Variants in UBE2J2 observed in about 807,000 individuals in gnomAD.
UBE2J2 encodes the protein ubiquitin conjugating enzyme E2 J2, also known as ubiquitin-conjugating enzyme E2 J2.
Under a neutral mutation model 28.6 loss-of-function variants are expected in UBE2J2, and 5 were observed. That is an observed-to-expected ratio of 0.17 (90% CI 0.09 to 0.37). The LOEUF is 0.37. UBE2J2 is among the 10% of genes least tolerant of loss of function. The pLI is 1.00. For synonymous variants in UBE2J2, 138 were observed against 139.7 expected, an observed-to-expected ratio of 0.99 and a Z score of 0.09; for missense variants, 226 against 338.9, an observed-to-expected ratio of 0.67 and a Z score of 2.62.
intron 3 of UBE2J2, chr1:1,262,980 A>T (rs1300207471): frequency 4.7e-6 from 1 of 211,300 alleles, no homozygotes; most frequent in African/African-American, 2.3e-5. Flanking sequence ...CCAGCACAGA[A>T]GGCACACTGA....
intron 3 of UBE2J2, 96 bp from the exon 4 acceptor site, chr1:1,257,406 C>CCCCCCA (rs1553154847): frequency 5.4e-6 from 3 of 558,754 alleles, no homozygotes; most frequent in Admixed American, 5.2e-5. Flanking sequence ...CCCCCCCCCC[C>CCCCCCA]CCTCAGCTCG....
intron 1 of UBE2J2, among the ~76,000 whole-genome samples, chr1:1,271,999 A>AATAAAAAAT (rs1557570852): frequency 6.8e-6 from 1 of 146,816 alleles, no homozygotes; most frequent in African/African-American, 2.7e-5. Context: ...AAAAAAAAAA[A>AATAAAAAAT]AAAAATTAGC....
chr1:1,255,534 T>C (rs780555590), intron 6 of UBE2J2, 47 bp from the exon 7 acceptor site: 69 of 1,438,656 alleles, frequency 4.8e-5, no homozygotes, highest in Non-Finnish European at 6.0e-5. Flanking sequence ...AACCAGCGCC[T>C]TTCAGGACCA....
chr1:1,262,165 C>T, intron 3 of UBE2J2: 1 of 344,610 alleles, frequency 2.9e-6, no homozygotes, highest in Non-Finnish European at 5.8e-6. Flanking sequence ...CCGACCACTA[C>T]TCACTCGGTG....
chr1:1,260,809 T>C (rs1639512127), intron 3 of UBE2J2, among the ~76,000 whole-genome samples: 1 of 152,204 alleles, frequency 6.6e-6, no homozygotes, highest in African/African-American at 2.4e-5. Context: ...AGAAAAATGG[T>C]TTTAACTGTT....
At chr1:1,270,504 C>A (rs527946915) in intron 1 of UBE2J2, among the ~76,000 whole-genome samples, 1 of 152,302 alleles carries the variant, frequency 6.6e-6, no homozygotes, top group Non-Finnish European at 1.5e-5. Flanking sequence ...CCACCCCCAA[C>A]CCTGCTTCTT....
In UBE2J2 at chr1:1,254,036, G is replaced by A. The variant is rs1260092708; in HGVS notation, c.*1167C>T. On this transcript the variant is annotated 3_prime_UTR_variant, in exon 7 of 7. Coordinates refer to ENST00000349431, the MANE Select transcript of UBE2J2 (RefSeq NM_058167.3). ...AAAAAACGAAGAAAGATGAGCGCGT[G>A]CGGGCTGGGCTTGTCTCACGCCCGC... 5.3e-5 allele frequency: 8 copies of A among 152,236 alleles called. 1 individual carries two copies. The highest frequency in any genetic ancestry group is 2.6e-4 in the Admixed American group (4 of 15,286). 9.4% of individuals were successfully genotyped at this position (152,236 alleles called of 1,614,324 possible). A position where few individuals can be genotyped will look rare whatever the true frequency, so the allele number is the denominator to read the frequency against.
intron 3 of UBE2J2, among the ~76,000 whole-genome samples, chr1:1,258,989 G>A (rs1195032661): frequency 6.6e-6 from 1 of 152,176 alleles, no homozygotes; most frequent in Non-Finnish European, 1.5e-5. Flanking sequence ...ATGCGTTGAC[G>A]TGTGTGTGCA....
Position 1,262,995 on chromosome 1 carries a change from CTG to C in UBE2J2, c.172+349_172+350del, listed in dbSNP as rs1431463017. ...CCAGCACAGAAGGCACACTGAATAA[CTG>C]AATATATGTGCCTTTCCTTTGATGA... On this transcript the variant is annotated intron_variant, in intron 3 of 6. Coordinates refer to ENST00000349431, the MANE Select transcript of UBE2J2 (RefSeq NM_058167.3). 7.9e-5 allele frequency: 18 copies of C among 229,046 alleles called. No homozygotes were observed. In the East Asian group the frequency reaches 1.6e-3, roughly 21 times the overall value. The allele number at this position is 229,046 out of a possible 1,614,324, so 14.2% of individuals were successfully genotyped here.
At position 1,257,282 on chromosome 1, in the gene UBE2J2, A is replaced by G. The variant is rs1321486955; in HGVS notation, c.201T>C (p.Phe67=). 4 of 1,612,758 alleles carry G rather than the reference A, an allele frequency of 2.5e-6. No individual in the cohort carries two copies. The highest frequency in any genetic ancestry group is 3.4e-6 in the Non-Finnish European group (4 of 1,179,580). ...GAGGTTTGAAAGGAAATTCTCTGGGAAAAATTAGTTTTCCATGATAATAGC... is the reference window on the plus strand; with the variant it reads ...GAGGTTTGAAAGGAAATTCTCTGGGGAAAATTAGTTTTCCATGATAATAGC... ...EGGYYHGKLI[F]PREFPFKPPS... The change falls in exon 4 of 7, where the codon TTT becomes TTC. Residue 67 remains phenylalanine (F), a synonymous_variant. Transcript: ENST00000349431.
rs1058161 is a variant in UBE2J2, at chr1:1,255,143, C to T, written c.*60G>A. 0.032 allele frequency: 47,760 copies of T among 1,497,942 alleles called. 1,375 individuals are homozygous for T. The highest frequency in any genetic ancestry group is 0.12 in the South Asian group (8,891 of 75,290). 92.8% of individuals were successfully genotyped at this position (1,497,942 alleles called of 1,614,324 possible). On this transcript the variant is annotated 3_prime_UTR_variant, in exon 7 of 7. Transcript: ENST00000349431. ...GTGCTGGGCAGTGTGTCCAGCCTGC[C>T]GAGGTCACGCTCTGGTGCGCGGTGC...
At chr1:1,258,578 A>C (rs1570544078) in intron 3 of UBE2J2, among the ~76,000 whole-genome samples, 1 of 151,892 alleles carries the variant, frequency 6.6e-6, no homozygotes. Flanking sequence ...CTGCTCAGCC[A>C]CTTCCCCCAC....
intron 3 of UBE2J2, among the ~76,000 whole-genome samples, chr1:1,262,013 A>G (rs1321493259): frequency 3.9e-5 from 6 of 151,998 alleles, no homozygotes; most frequent in Admixed American, 2.0e-4. Context: ...ATGCACTACC[A>G]CACCCGGCTA....
chr1:1,265,667 C>T (rs566573070), intron 2 of UBE2J2, among the ~76,000 whole-genome samples: 5 of 148,502 alleles, frequency 3.4e-5, no homozygotes, highest in East Asian at 4.1e-4. Flanking sequence ...CTCACTCTGT[C>T]GCCAGGCTGG....
At chr1:1,256,437 A>T (rs1300295276) in intron 5 of UBE2J2, 1 of 307,674 alleles carries the variant, frequency 3.3e-6, no homozygotes, top group Non-Finnish European at 6.1e-6. Context: ...CAAGATCCCA[A>T]GGAGGAGCCC....
At chr1:1,263,296 G>C in intron 3 of UBE2J2, 50 bp downstream of exon 3, 1 of 1,529,024 alleles carries the variant, frequency 6.5e-7, no homozygotes, top group Non-Finnish European at 9.1e-7. Context: ...AAGGCTGACT[G>C]AGAATATAAA....
At chr1:1,270,498 C>T (rs1640094272) in intron 1 of UBE2J2, among the ~76,000 whole-genome samples, 1 of 152,142 alleles carries the variant, frequency 6.6e-6, no homozygotes, top group Non-Finnish European at 1.5e-5. Flanking sequence ...TCAGCACCAC[C>T]CCCAACCCTG....
intron 3 of UBE2J2, chr1:1,262,943 C>A: frequency 5.1e-6 from 1 of 196,954 alleles, no homozygotes; most frequent in African/African-American, 2.3e-5. Context: ...AGAGACCGTC[C>A]TGGGGATTGC....
intron 2 of UBE2J2, among the ~76,000 whole-genome samples, chr1:1,266,776 G>A (rs938234221): frequency 2.6e-5 from 4 of 152,170 alleles, no homozygotes; most frequent in Admixed American, 2.0e-4. Context: ...GCAGTGAGCC[G>A]AGATTGTGCC....
Sources: allele counts gnomAD v4.1 joint callset (sites outside exome capture counted in the v4.1 genomes callset), GRCh38; gene constraint gnomAD v4.1.1; transcripts MANE v1.5; gene names NCBI Gene and HGNC (gene_info 2026-07-23, HGNC 2026-07-21).